Variants in ZNF521 observed in about 807,000 individuals in gnomAD.
ZNF521 encodes zinc finger protein 521.
Under a neutral mutation model 105.5 loss-of-function variants are expected in ZNF521, and 14 were observed. That is an observed-to-expected ratio of 0.13 (90% CI 0.09 to 0.21). ZNF521 has a LOEUF of 0.21. Among genes scored for constraint, ZNF521 ranks in the 10% least tolerant of loss-of-function variants. ZNF521 has a pLI of 1.00. For synonymous variants in ZNF521, 635 were observed against 606.0 expected (o/e 1.05, Z -0.70); for missense variants, 1,233 against 1,629.7 (o/e 0.76, Z 4.19).
intron 3 of ZNF521, among the ~76,000 whole-genome samples, chr18:25,269,133 G>A (rs1209553069): frequency 3.3e-5 from 5 of 150,026 alleles, no homozygotes. Context: ...AGCAGGGGTT[G>A]CAATCCTAGT....
At chr18:25,294,651 T>C (rs1054237497) in intron 3 of ZNF521, among the ~76,000 whole-genome samples, 30 of 151,908 alleles carry the variant, frequency 2.0e-4, no homozygotes, top group African/African-American at 7.0e-4. Flanking sequence ...GGTCAGGAGA[T>C]CGAGACCATC....
chr18:25,192,703 C>CA (rs562172652), intron 5 of ZNF521, among the ~76,000 whole-genome samples: 17,019 of 147,854 alleles, frequency 0.12, 1,777 homozygotes, highest in African/African-American at 0.28. Context: ...AAAAAAAAAA[C>CA]CACACACAGA....
At chr18:25,351,982 T>C in intron 1 of ZNF521, 23 bp downstream of exon 1, 1 of 422,854 alleles carries the variant, frequency 2.4e-6, no homozygotes, top group Non-Finnish European at 4.8e-6. Flanking sequence ...GAGTGTGCTG[T>C]GTGCTCCCTC....
At chr18:25,192,063 T>C (rs1297688591) in intron 5 of ZNF521, among the ~76,000 whole-genome samples, 1 of 152,170 alleles carries the variant, frequency 6.6e-6, no homozygotes, top group African/African-American at 2.4e-5. Context: ...AGGGAAATCT[T>C]TTCCCCAGGA....
intron 5 of ZNF521, among the ~76,000 whole-genome samples, chr18:25,136,054 T>G (rs947169931): frequency 6.6e-6 from 1 of 152,154 alleles, no homozygotes; most frequent in East Asian, 1.9e-4. Flanking sequence ...CCTTTTTCCC[T>G]TCACATAAAT....
chr18:25,072,003 G>A (rs1360967679), intron 7 of ZNF521, among the ~76,000 whole-genome samples: 1 of 152,200 alleles, frequency 6.6e-6, no homozygotes, highest in African/African-American at 2.4e-5. Context: ...GAGGGCAGAG[G>A]GCAGGAACTG....
chr18:25,174,983 C>A (rs767224234), intron 5 of ZNF521, among the ~76,000 whole-genome samples: 1 of 152,136 alleles, frequency 6.6e-6, no homozygotes, highest in Non-Finnish European at 1.5e-5. Context: ...CAAGGTCCAG[C>A]GGTAAAAGCG....
chr18:25,167,727 CTG>C (rs1022586140), intron 5 of ZNF521, among the ~76,000 whole-genome samples: 1 of 152,126 alleles, frequency 6.6e-6, no homozygotes. Flanking sequence ...ATGATACAAA[CTG>C]GAGTTATGGA....
intron 4 of ZNF521, among the ~76,000 whole-genome samples, chr18:25,211,138 T>C (rs1251628283): frequency 6.6e-6 from 1 of 152,236 alleles, no homozygotes; most frequent in Admixed American, 6.5e-5. Flanking sequence ...GAGATGCTAA[T>C]ATGTCTTTAA....
At chr18:25,196,599 C>T (rs1036457588) in intron 4 of ZNF521, among the ~76,000 whole-genome samples, 8 of 151,620 alleles carry the variant, frequency 5.3e-5, no homozygotes, top group South Asian at 2.1e-4. Flanking sequence ...AATCATCTGA[C>T]GGTCTTTGTA....
chr18:25,346,306 T>G (rs565104446), intron 2 of ZNF521, among the ~76,000 whole-genome samples: 25 of 152,182 alleles, frequency 1.6e-4, no homozygotes, highest in African/African-American at 6.0e-4. Flanking sequence ...ATACTTCACC[T>G]GTCTACCCGT....
intron 3 of ZNF521, among the ~76,000 whole-genome samples, chr18:25,304,218 A>G (rs1911837772): frequency 2.0e-5 from 3 of 152,244 alleles, no homozygotes; most frequent in Non-Finnish European, 2.9e-5. Context: ...AGATGCTACT[A>G]TCAAATACAG....
intron 5 of ZNF521, among the ~76,000 whole-genome samples, chr18:25,112,366 C>T (rs1257210999): frequency 1.3e-5 from 2 of 152,122 alleles, no homozygotes; most frequent in African/African-American, 2.4e-5. Flanking sequence ...TCCAGAAACA[C>T]ACCCTTTCTA....
In ZNF521 at chr18:25,224,765, T is replaced by C; in HGVS notation, c.3153A>G (p.Ala1051=). Residue 1051 remains alanine (A), a synonymous_variant, in exon 4 of 8, where the codon GCA becomes GCG. Transcript: ENST00000361524. The part of the protein sequence containing the change: ...FHMQKTGNGS[A]VQTTGRGQHV... ...GCTGGCCCCGCCCTGTGGTCTGAACTGCAGACCCATTCCCTGTCTTTTGCA... is the reference window on the plus strand; with the variant it reads ...GCTGGCCCCGCCCTGTGGTCTGAACCGCAGACCCATTCCCTGTCTTTTGCA... 1 of 1,614,068 alleles carries C rather than the reference T, an allele frequency of 6.2e-7. No individual in the cohort carries two copies.
At chr18:25,293,376 A>ACACACACAC (rs923215457) in intron 3 of ZNF521, among the ~76,000 whole-genome samples, 15 of 151,928 alleles carry the variant, frequency 9.9e-5, no homozygotes, top group African/African-American at 3.6e-4. Flanking sequence ...ACACACACAC[A>ACACACACAC]CACACACACA....
At chr18:25,072,936 A>T (rs1339481932) in intron 7 of ZNF521, among the ~76,000 whole-genome samples, 1 of 152,206 alleles carries the variant, frequency 6.6e-6, no homozygotes, top group Non-Finnish European at 1.5e-5. Context: ...TCTGTAAACA[A>T]GGTTAAGAAT....
At chr18:25,235,176 C>A (rs1906803229) in intron 3 of ZNF521, among the ~76,000 whole-genome samples, 1 of 152,174 alleles carries the variant, frequency 6.6e-6, no homozygotes, top group African/African-American at 2.4e-5. Context: ...TCCATAGTGC[C>A]AGCACCACTC....
At chr18:25,133,155 G>GACC (rs1267748275) in intron 5 of ZNF521, among the ~76,000 whole-genome samples, 7 of 152,190 alleles carry the variant, frequency 4.6e-5, no homozygotes, top group Non-Finnish European at 8.8e-5. Flanking sequence ...TCTCTTGGTA[G>GACC]AGTTCAATAA....
In ZNF521 at chr18:25,350,894, G is replaced by A. The variant is rs1273083037; in HGVS notation, c.40+13C>T. 6.5e-7 allele frequency: 1 copy of A among 1,549,118 alleles called. No individual in the cohort carries two copies. Among genetic ancestry groups the A allele is most frequent in the South Asian group, 1.2e-5 (1 of 83,880 alleles). ...GGATGGGGGAAAGCGGGGAGCAGGG[G>A]GTTCCTCCTTACCTTTGAGGGATCT... On this transcript the variant is annotated intron_variant, in intron 2 of 7. Transcript: ENST00000361524.
Sources: gnomAD v4.1 joint callset for allele counts (sites outside exome capture counted in the v4.1 genomes callset) on GRCh38, gnomAD v4.1.1 for gene constraint, MANE v1.5 for transcripts, NCBI Gene and HGNC (gene_info 2026-07-23, HGNC 2026-07-21) for gene names.